The following GSDMA variants were observed in gnomAD, a reference collection of about 807,000 sequenced individuals.
GSDMA encodes the protein gasdermin A.
GSDMA carries 55 observed loss-of-function variants against 54.3 expected under a neutral mutation model. That is an observed-to-expected ratio of 1.01 (90% CI 0.82 to 1.27). The LOEUF is 1.27. GSDMA is among the 50% of genes most tolerant of loss of function. The pLI is 0.00. For missense variants in GSDMA, 542 were observed against 542.6 expected (o/e 1.00, Z 0.01); for synonymous variants, 211 against 224.7 (o/e 0.94, Z 0.54).
intron 3 of GSDMA, among the ~76,000 whole-genome samples, chr17:39,969,571 G>T (rs1043729230): frequency 1.3e-5 from 2 of 152,188 alleles, no homozygotes; most frequent in African/African-American, 4.8e-5. Context: ...AGAAGCCAGC[G>T]TTGCACGGAG....
At chr17:39,974,553 C>T (rs1980115992) in intron 9 of GSDMA, 126 bp downstream of exon 9, 2 of 1,034,248 alleles carry the variant, frequency 1.9e-6, no homozygotes, top group South Asian at 1.7e-5. Context: ...CAGGGGAGTC[C>T]ACCTTAGATA....
In GSDMA at chr17:39,970,593, C is replaced by G. The variant is rs375638354; in HGVS notation, c.504C>G (p.Ala168=). The G allele has an allele frequency of 2.8e-5, 45 of 1,600,276 alleles. No homozygotes were observed. The highest frequency in any genetic ancestry group is 3.7e-5 in the Non-Finnish European group (43 of 1,173,222). Residue 168 remains alanine (A), a synonymous_variant, in exon 4 of 12, where the codon GCC becomes GCG. Coordinates refer to ENST00000301659, the MANE Select transcript of GSDMA (RefSeq NM_178171.5). ...TGCAGGAGGTCACACTGGAGCGAGC[C>G]GGCAAGGCAGAGGCCTGCTTCTCCC... The part of the protein sequence containing the change: ...ETVQEVTLER[A]GKAEACFSLP...
At chr17:39,965,600 C>A in intron 1 of GSDMA, 83 bp from the exon 2 acceptor site, 1 of 993,128 alleles carries the variant, frequency 1.0e-6, no homozygotes, top group Non-Finnish European at 1.5e-6. Context: ...TAAACTCTCT[C>A]TGCAGGGGCC....
At chr17:39,975,876 T>C in intron 10 of GSDMA, 48 bp from the exon 11 acceptor site, 4 of 1,359,446 alleles carry the variant, frequency 2.9e-6, no homozygotes, top group Non-Finnish European at 4.1e-6. Flanking sequence ...GAGGCTGTAG[T>C]CCCCTCTGCA....
intron 3 of GSDMA, among the ~76,000 whole-genome samples, chr17:39,967,142 T>C (rs1979706827): frequency 6.6e-6 from 1 of 152,140 alleles, no homozygotes; most frequent in Non-Finnish European, 1.5e-5. Flanking sequence ...CGGGCTGGGG[T>C]GCGCCTAGAA....
intron 2 of GSDMA, 137 bp downstream of exon 2, chr17:39,966,038 C>A: frequency 1.2e-6 from 1 of 853,738 alleles, no homozygotes. Flanking sequence ...TCATCAGGAG[C>A]TGAGGAGGCT....
Position 39,974,306 on chromosome 17 carries a change from A to T in GSDMA, c.785A>T (p.Glu262Val). 1.2e-6 allele frequency: 2 copies of T among 1,611,524 alleles called. No homozygotes were observed. The highest frequency in any genetic ancestry group is 1.7e-6 in the Non-Finnish European group (2 of 1,178,956). The change falls in exon 9 of 12, where the codon GAA becomes GTA. Residue 262 changes from glutamate (E) to valine (V), a missense_variant. Physicochemically the swap from Glu to Val is moderately radical, Grantham distance 121 (BLOSUM62 -2). Coordinates refer to ENST00000301659, the MANE Select transcript of GSDMA (RefSeq NM_178171.5). ...CACGAAGGCTTCAGGACACTAAAAG[A>T]AGAAGTTCAGAGAGAGACCCAACAA... ...DVHEGFRTLK[E>V]EVQRETQQVE...
At position 39,965,855 on chromosome 17, in the gene GSDMA, C is replaced by A; in HGVS notation, c.168C>A (p.Thr56=). The A allele has an allele frequency of 6.4e-7, 1 of 1,564,938 alleles. No homozygotes were observed. Among genetic ancestry groups the A allele is most frequent in the Non-Finnish European group, 8.7e-7 (1 of 1,155,154 alleles). Residue 56 remains threonine (T), a synonymous_variant, in exon 2 of 12, where the codon ACC becomes ACA. Transcript: ENST00000301659. ...TLFWGARYVR[T]DYTLLDVLEP... is the part of the protein sequence containing the mutation. ...TCTGGGGGGCCCGGTACGTCCGCAC[C>A]GACTACACGCTGCTGGATGTGCTTG... is the stretch of plus-strand genomic sequence containing the variant.
At chr17:39,967,663 C>G (rs1009026908) in intron 3 of GSDMA, among the ~76,000 whole-genome samples, 1 of 152,096 alleles carries the variant, frequency 6.6e-6, no homozygotes, top group African/African-American at 2.4e-5. Context: ...TCAGACAAGG[C>G]AAGACACTTT....
intron 3 of GSDMA, among the ~76,000 whole-genome samples, chr17:39,968,370 C>A (rs1051744060): frequency 5.3e-5 from 2 of 37,808 alleles, no homozygotes; most frequent in East Asian, 1.4e-3. Context: ...TTTTTTGAGA[C>A]GGAGTCTCTC....
chr17:39,974,512 G>A, intron 9 of GSDMA, 85 bp downstream of exon 9: 2 of 1,424,826 alleles, frequency 1.4e-6, no homozygotes, highest in Non-Finnish European at 1.9e-6. Context: ...CAGCAGGTAG[G>A]GAGATCTGAC....
Position 39,975,938 on chromosome 17 carries a change from C to A in GSDMA, c.1036C>A (p.Gln346Lys). The change falls in exon 11 of 12, where the codon CAA becomes AAA. Residue 346 changes from glutamine to lysine, a missense_variant. Coordinates refer to ENST00000301659, the MANE Select transcript of GSDMA (RefSeq NM_178171.5). ...VGALTELSEA[Q>K]QKLLVKSMEK... ...TTTTTCTCCAGAGCTAAGTGAAGCC[C>A]AACAGAAGCTGCTGGTGAAATCCAT... 5.0e-6 allele frequency: 8 copies of A among 1,599,228 alleles called. No individual in the cohort carries two copies. The highest frequency in any genetic ancestry group is 2.3e-5 in the East Asian group (1 of 44,426).
intron 8 of GSDMA, 31 bp downstream of exon 8, chr17:39,973,861 T>C (rs1943680305): frequency 6.2e-7 from 1 of 1,605,872 alleles, no homozygotes; most frequent in African/African-American, 1.3e-5. Flanking sequence ...CTCCCAAGAC[T>C]TTGGCATGGA....
In GSDMA at chr17:39,971,559, CA is replaced by C. The variant is rs757612720; in HGVS notation, c.596del (p.Lys199ArgfsTer9). Reference protein sequence around the residue: ...INHKEAVTIPKGCVLAFRVRQ... With the variant: ...INHKEAVTIPXGCVLAFRVRQ... Reference sequence around the variant, plus strand: ...ATCACAAGGAGGCTGTAACCATCCCCAAGGGCTGCGTCCTGGCCTTTCGAGT... The same window carrying C: ...ATCACAAGGAGGCTGTAACCATCCCCAGGGCTGCGTCCTGGCCTTTCGAGT... On this transcript the variant is annotated frameshift_variant, in exon 5 of 12. Coordinates refer to ENST00000301659, the MANE Select transcript of GSDMA (RefSeq NM_178171.5). LOFTEE classifies it high-confidence loss of function. 1 of 1,613,934 alleles carries C rather than the reference CA, an allele frequency of 6.2e-7. No homozygotes were observed. Among genetic ancestry groups the C allele is most frequent in the East Asian group, 2.2e-5 (1 of 44,888 alleles).
chr17:39,965,131 G>A (rs1056197125), intron 1 of GSDMA, among the ~76,000 whole-genome samples: 2 of 150,016 alleles, frequency 1.3e-5, no homozygotes, highest in African/African-American at 4.9e-5. Context: ...GAAGAAAAGA[G>A]AAGAAAGCAA....
chr17:39,976,276 AT>A (rs10549101), intron 11 of GSDMA, among the ~76,000 whole-genome samples: 55,427 of 142,212 alleles, frequency 0.39, 10,820 homozygotes, highest in Middle Eastern at 0.6. Context: ...TTGTAAGCAA[AT>A]TTTTTTTTTT....
rs535516978 is a variant in GSDMA, at chr17:39,964,461, C to T, written c.-5-1222C>T. 4.6e-5 allele frequency among the ~76,000 whole-genome samples: 7 copies of T among 152,046 alleles called. No homozygotes were observed. In the South Asian group the frequency reaches 1.0e-3, roughly 23 times the overall value. On this transcript the variant is annotated intron_variant, in intron 1 of 11. Transcript: ENST00000301659. ...GCACACACCTGCAGTCCCAGCTACT[C>T]GGGAGGCTGAGGCAGGAGAATCGCT...
rs754485271 is a variant in GSDMA at position 39,970,630 on chromosome 17, G to A, written c.541G>A (p.Ala181Thr). The change falls in exon 4 of 12, where the codon GCC becomes ACC. Residue 181 changes from alanine (A) to threonine (T), a missense_variant. Physicochemically the swap from Ala to Thr is moderately conservative, Grantham distance 58. Coordinates refer to ENST00000301659, the MANE Select transcript of GSDMA (RefSeq NM_178171.5). ...AEACFSLPFF[A>T]PLGLQGSINH... ...GGCCTGCTTCTCCCTCCCCTTCTTC[G>A]CCCCATTGGGGCTACAGGTTTGATT... 2.4e-5 allele frequency: 37 copies of A among 1,548,644 alleles called. 1 individual carries two copies. In the South Asian group the frequency reaches 3.4e-4, roughly 14 times the overall value.
chr17:39,965,249 G>C (rs1278143849), intron 1 of GSDMA, among the ~76,000 whole-genome samples: 2 of 125,840 alleles, frequency 1.6e-5, no homozygotes, highest in Non-Finnish European at 3.4e-5. Context: ...AGGAAGAAAG[G>C]GAGGGAGGGA....
Sources: allele counts gnomAD v4.1 joint callset (sites outside exome capture counted in the v4.1 genomes callset), GRCh38; gene constraint gnomAD v4.1.1; transcripts MANE v1.5; gene names NCBI Gene and HGNC (gene_info 2026-07-23, HGNC 2026-07-21).